CHST11: variants seen among roughly 807,000 people sequenced by gnomAD.
The protein encoded by CHST11 is C4S-1.
A neutral mutation model predicts 30.4 loss-of-function variants in CHST11; 9 were observed. That is an observed-to-expected ratio of 0.30 (90% CI 0.18 to 0.52). CHST11 has a LOEUF of 0.52. CHST11 is among the 20% of genes least tolerant of loss of function. The probability of loss-of-function intolerance (pLI) is 0.97; values close to 1 mark genes in which losing one functional copy is unlikely to be tolerated. For synonymous variants in CHST11, 152 were observed against 187.8 expected (o/e 0.81, Z 1.56); for missense variants, 348 against 460.6 (o/e 0.76, Z 2.24).
intron 2 of CHST11, among the ~76,000 whole-genome samples, chr12:104,612,894 T>C (rs1023879595): frequency 6.6e-6 from 1 of 152,204 alleles, no homozygotes; most frequent in Non-Finnish European, 1.5e-5. Flanking sequence ...GCACTCTCAC[T>C]GTAGCAGAGT....
At chr12:104,752,704 T>G (rs2040443645) in intron 2 of CHST11, among the ~76,000 whole-genome samples, 1 of 152,150 alleles carries the variant, frequency 6.6e-6, no homozygotes, top group African/African-American at 2.4e-5. Context: ...ATTTTTTGTA[T>G]TTTTAGTACA....
chr12:104,622,839 T>C (rs1393625300), intron 2 of CHST11, among the ~76,000 whole-genome samples: 1 of 152,162 alleles, frequency 6.6e-6, no homozygotes, highest in Non-Finnish European at 1.5e-5. Flanking sequence ...AAGTGTGTAA[T>C]TGCGTATTAG....
chr12:104,724,413 T>C (rs548491375), intron 2 of CHST11, among the ~76,000 whole-genome samples: 35 of 152,208 alleles, frequency 2.3e-4, no homozygotes, highest in African/African-American at 6.5e-4. Context: ...GGCAATGTGC[T>C]GAATGCCACT....
intron 2 of CHST11, among the ~76,000 whole-genome samples, chr12:104,705,833 T>G (rs1315741526): frequency 2.6e-5 from 4 of 151,386 alleles, no homozygotes; most frequent in Non-Finnish European, 5.9e-5. Context: ...AGGCAGAGAA[T>G]TGCCTGAGCC....
At chr12:104,733,034 A>G (rs982269024) in intron 2 of CHST11, among the ~76,000 whole-genome samples, 2 of 152,238 alleles carry the variant, frequency 1.3e-5, no homozygotes, top group South Asian at 2.1e-4. Context: ...GACCAGCCCT[A>G]TGAGAGATGG....
At chr12:104,560,422 A>G (rs973266345) in intron 1 of CHST11, among the ~76,000 whole-genome samples, 9 of 152,144 alleles carry the variant, frequency 5.9e-5, no homozygotes, top group African/African-American at 2.2e-4. Context: ...GGGGGGGTTC[A>G]TGGTACCTTC....
chr12:104,639,516 G>A (rs1368218679), intron 2 of CHST11, among the ~76,000 whole-genome samples: 1 of 152,172 alleles, frequency 6.6e-6, no homozygotes, highest in East Asian at 1.9e-4. Flanking sequence ...AAGCTAGGAG[G>A]TAGGAGAACA....
intron 1 of CHST11, among the ~76,000 whole-genome samples, chr12:104,564,469 T>C (rs554528115): frequency 1.3e-5 from 2 of 152,226 alleles, no homozygotes; most frequent in Non-Finnish European, 2.9e-5. Context: ...ATGGTGCTCT[T>C]GAGAGAATTA....
In CHST11 at chr12:104,722,707, A is replaced by G. The variant is rs567616057; in HGVS notation, c.205-34242A>G. On this transcript the variant is annotated intron_variant, in intron 2 of 2. Transcript: ENST00000303694. Reference sequence around the variant, plus strand: ...GGAGTCGTTGCTGGAAAGAGTGTCCAAAGAAAACAAGGCCCCATCCCCCTG... The same window carrying G: ...GGAGTCGTTGCTGGAAAGAGTGTCCGAAGAAAACAAGGCCCCATCCCCCTG... Among the ~76,000 whole-genome samples the G allele has an allele frequency of 6.6e-5, 10 of 151,672 alleles. No individual in the cohort carries two copies. The East Asian group carries it at 2.0e-3, about 30-fold the overall frequency.
chr12:104,550,764 A>G (rs2038396577), intron 1 of CHST11, among the ~76,000 whole-genome samples: 1 of 152,232 alleles, frequency 6.6e-6, no homozygotes, highest in Admixed American at 6.5e-5. Flanking sequence ...AGGGACAGCG[A>G]ACTCCTTCTT....
intron 2 of CHST11, among the ~76,000 whole-genome samples, chr12:104,750,723 T>C (rs531332002): frequency 7.9e-5 from 12 of 152,164 alleles, no homozygotes; most frequent in Non-Finnish European, 1.6e-4. Flanking sequence ...GGATTACAGA[T>C]GTGAGCCACC....
At chr12:104,561,830 C>T (rs186822349) in intron 1 of CHST11, among the ~76,000 whole-genome samples, 145 of 150,360 alleles carry the variant, frequency 9.6e-4, no homozygotes, top group African/African-American at 3.0e-3. Flanking sequence ...CTCACTCAGT[C>T]GCCAGGCTGG....
chr12:104,725,513 T>A (rs2040210128), intron 2 of CHST11, among the ~76,000 whole-genome samples: 1 of 151,250 alleles, frequency 6.6e-6, no homozygotes, highest in Non-Finnish European at 1.5e-5. Context: ...ATAAAGCTGT[T>A]AATTTTTTTT....
chr12:104,505,019 T>C (rs1163438183), intron 1 of CHST11, among the ~76,000 whole-genome samples: 1 of 152,174 alleles, frequency 6.6e-6, no homozygotes, highest in Non-Finnish European at 1.5e-5. Flanking sequence ...CCAGAGCATG[T>C]CAGTGACAGA....
intron 1 of CHST11, among the ~76,000 whole-genome samples, chr12:104,585,616 G>A (rs1565996927): frequency 6.6e-6 from 1 of 152,236 alleles, no homozygotes; most frequent in Non-Finnish European, 1.5e-5. Flanking sequence ...CTGAGGCCAA[G>A]AGATTGAGTA....
chr12:104,545,053 G>A (rs538386978), intron 1 of CHST11, among the ~76,000 whole-genome samples: 265 of 152,258 alleles, frequency 1.7e-3, no homozygotes, highest in African/African-American at 6.2e-3. Context: ...CCTGTGGATG[G>A]CAAGAATCCC....
At chr12:104,495,220 T>C (rs1450145778) in intron 1 of CHST11, among the ~76,000 whole-genome samples, 2 of 152,234 alleles carry the variant, frequency 1.3e-5, no homozygotes, top group African/African-American at 2.4e-5. Context: ...TGTTCTTCAG[T>C]TGATGGGCAT....
At chr12:104,687,776 G>A (rs990164997) in intron 2 of CHST11, among the ~76,000 whole-genome samples, 2 of 151,184 alleles carry the variant, frequency 1.3e-5, no homozygotes, top group African/African-American at 4.9e-5. Context: ...AGCGGCCCCC[G>A]CCCCCCCCAA....
At chr12:104,662,002 AATCAGTGAGCTCC>A (rs1478280701) in intron 2 of CHST11, among the ~76,000 whole-genome samples, 3 of 152,332 alleles carry the variant, frequency 2.0e-5, no homozygotes, top group Admixed American at 2.0e-4. Context: ...GTCTGAGATG[AATCAGTGAGCTCC>A]ATCTGGGTGG....
Sources: gnomAD v4.1 joint callset for allele counts (sites outside exome capture counted in the v4.1 genomes callset) on GRCh38, gnomAD v4.1.1 for gene constraint, MANE v1.5 for transcripts, NCBI Gene and HGNC (gene_info 2026-07-23, HGNC 2026-07-21) for gene names.